The following KIAA2012 variants were observed in gnomAD, a reference collection of about 807,000 sequenced individuals.
KIAA2012 encodes KIAA2012.
In KIAA2012, 125 loss-of-function variants were observed where a neutral mutation model predicts 150.6. That is an observed-to-expected ratio of 0.83 (90% CI 0.72 to 0.96). The LOEUF (loss-of-function observed/expected upper bound fraction) is 0.96, where lower values mean the gene tolerates loss of function less well. Among genes scored for constraint, KIAA2012 ranks in the 40% least tolerant of loss-of-function variants. The probability of loss-of-function intolerance (pLI) is 0.00; values close to 1 mark genes in which losing one functional copy is unlikely to be tolerated. For missense variants in KIAA2012, 1,219 were observed against 1,354.9 expected, an observed-to-expected ratio of 0.90 and a Z score of 1.57; for synonymous variants, 462 against 504.7, an observed-to-expected ratio of 0.92 and a Z score of 1.13.
chr2:202,087,510 CAAAAAAAA>C (rs59728832), intron 2 of KIAA2012, among the ~76,000 whole-genome samples: 2 of 52,524 alleles, frequency 3.8e-5, no homozygotes, highest in African/African-American at 8.4e-5. Flanking sequence ...GAAACCATCT[CAAAAAAAA>C]AAAAAAAAAA....
intron 12 of KIAA2012, chr2:202,125,785 C>T (rs1690768617): frequency 2.3e-6 from 1 of 429,466 alleles, no homozygotes; most frequent in South Asian, 1.7e-5. Flanking sequence ...TCTGCAAAAA[C>T]TGGGAGTATA....
chr2:202,194,505 TTATG>T (rs1692378369), intron 21 of KIAA2012, 143 bp downstream of exon 21: 3 of 877,156 alleles, frequency 3.4e-6, no homozygotes, highest in South Asian at 2.0e-5. Context: ...TTCAAAGTGA[TTATG>T]TATGACTATA....
intron 22 of KIAA2012, among the ~76,000 whole-genome samples, chr2:202,201,006 G>A (rs867784483): frequency 1.4e-4 from 22 of 151,984 alleles, no homozygotes; most frequent in African/African-American, 5.3e-4. Context: ...GCGCCTGGCC[G>A]TAATTTGGCA....
intron 14 of KIAA2012, among the ~76,000 whole-genome samples, chr2:202,158,990 C>T (rs1372951404): frequency 1.3e-5 from 2 of 152,124 alleles, no homozygotes; most frequent in African/African-American, 4.8e-5. Context: ...ATATAGTGCC[C>T]TCAAATGCAA....
At chr2:202,098,834 G>A (rs924834562) in intron 5 of KIAA2012, among the ~76,000 whole-genome samples, 28 of 151,202 alleles carry the variant, frequency 1.9e-4, no homozygotes, top group Non-Finnish European at 2.8e-4. Flanking sequence ...GCGCGCGCGC[G>A]CGCAGGATAA....
chr2:202,204,812 C>G (rs544580366), intron 23 of KIAA2012, among the ~76,000 whole-genome samples, 186 bp from the exon 24 acceptor site: 2 of 152,088 alleles, frequency 1.3e-5, no homozygotes, highest in African/African-American at 4.8e-5. Context: ...GTCATATAAA[C>G]GTTTTCTCAA....
intron 13 of KIAA2012, among the ~76,000 whole-genome samples, chr2:202,140,755 T>C (rs946637137): frequency 6.6e-6 from 1 of 152,206 alleles, no homozygotes; most frequent in African/African-American, 2.4e-5. Context: ...GTTCCCTACC[T>C]TGATGGGCCA....
chr2:202,114,062 A>T (rs1690451983), intron 11 of KIAA2012: 1 of 152,400 alleles, frequency 6.6e-6, no homozygotes, highest in African/African-American at 2.4e-5. Flanking sequence ...AGGCTCCTTG[A>T]TGTGGGAGAT....
chr2:202,179,310 A>G (rs1692067884), intron 15 of KIAA2012: 3 of 1,202,584 alleles, frequency 2.5e-6, no homozygotes, highest in African/African-American at 1.5e-5. Context: ...GGAGCGCGGT[A>G]CGGCTTTTCG....
Position 202,097,587 on chromosome 2 carries a change from C to CTTT in KIAA2012, c.828+24_828+26dup. On this transcript the variant is annotated intron_variant, in intron 5 of 23. Coordinates refer to ENST00000498697, the MANE Select transcript of KIAA2012 (RefSeq NM_001277372.4). ...TGAAACGCAGGCAGAGGTACCATTT[C>CTTT]TTTTTTTTTTTTTTTTCCCCGAGAC... is the stretch of plus-strand genomic sequence containing the variant. The CTTT allele has an allele frequency of 8.5e-6, 12 of 1,419,132 alleles. No homozygotes were observed. Among genetic ancestry groups the CTTT allele is most frequent in the African/African-American group, 3.1e-5 (2 of 64,388 alleles). The allele number at this position is 1,419,132 out of a possible 1,614,324, so 87.9% of individuals were successfully genotyped here. A position where few individuals can be genotyped will look rare whatever the true frequency, so the allele number is the denominator to read the frequency against.
chr2:202,203,409 A>C (rs572020347), intron 23 of KIAA2012, among the ~76,000 whole-genome samples: 1 of 152,340 alleles, frequency 6.6e-6, no homozygotes, highest in South Asian at 2.1e-4. Flanking sequence ...ACCACTTGAA[A>C]AATGTTCATT....
Position 202,125,935 on chromosome 2 carries a change from C to CTTTTTTTTTTTTTTTTTTTTTTTTTTTTT in KIAA2012, c.1831+661_1831+689dup, listed in dbSNP as rs571686717. On this transcript the variant is annotated intron_variant, in intron 12 of 23. Coordinates refer to ENST00000498697, the MANE Select transcript of KIAA2012 (RefSeq NM_001277372.4). ...GAAATGTGAGTGGTGTTCCTGGCTGCTTTTTTTTTTTTTTTTTTTTTTTTT... is the reference window on the plus strand; with the variant it reads ...GAAATGTGAGTGGTGTTCCTGGCTGCTTTTTTTTTTTTTTTTTTTTTTTTTTTTTTTTTTTTTTTTTTTTTTTTTTTTTT... 6 of 126,960 alleles carry CTTTTTTTTTTTTTTTTTTTTTTTTTTTTT rather than the reference C, an allele frequency of 4.7e-5. 2 individuals carry two copies. Among genetic ancestry groups the CTTTTTTTTTTTTTTTTTTTTTTTTTTTTT allele is most frequent in the African/African-American group, 7.2e-5 (1 of 13,870 alleles). The allele number at this position is 126,960 out of a possible 1,614,324, so 7.9% of individuals were successfully genotyped here.
At chr2:202,125,850 C>A (rs1310340867) in intron 12 of KIAA2012, 2 of 451,510 alleles carry the variant, frequency 4.4e-6, no homozygotes, top group Non-Finnish European at 8.9e-6. Context: ...CTGCTTCAGA[C>A]CAAGGGAAGG....
rs565749120 is a variant in KIAA2012 at position 202,192,398 on chromosome 2, G to T, written c.2812-903G>T. Among the ~76,000 whole-genome samples, 24 of 151,536 alleles carry T rather than the reference G, an allele frequency of 1.6e-4. 1 individual carries two copies. The highest frequency in any genetic ancestry group is 4.2e-4 in the South Asian group (2 of 4,778). ...CCATTGGAAAGGTGAGTTTCTGTGGGATTAAATGTGAATCTGACCCATCTA... is the reference window on the plus strand; with the variant it reads ...CCATTGGAAAGGTGAGTTTCTGTGGTATTAAATGTGAATCTGACCCATCTA... On this transcript the variant is annotated intron_variant, in intron 19 of 23. Transcript: ENST00000498697.
chr2:202,125,935 CTTTTTTTTTTTTTTTTTTT>C lies in KIAA2012; in HGVS notation c.1831+671_1831+689del, dbSNP rs571686717. ...GAAATGTGAGTGGTGTTCCTGGCTGCTTTTTTTTTTTTTTTTTTTTTTTTTTTTTTTTTTTTGAGATGGA... is the reference window on the plus strand; with the variant it reads ...GAAATGTGAGTGGTGTTCCTGGCTGCTTTTTTTTTTTTTTTTTGAGATGGA... On this transcript the variant is annotated intron_variant, in intron 12 of 23. Coordinates refer to ENST00000498697, the MANE Select transcript of KIAA2012 (RefSeq NM_001277372.4). 1.0e-4 allele frequency: 14 copies of C among 135,822 alleles called. No individual in the cohort carries two copies. In the East Asian group the frequency reaches 1.6e-3, roughly 15 times the overall value. 8.4% of individuals were successfully genotyped at this position (135,822 alleles called of 1,614,324 possible). A position where few individuals can be genotyped will look rare whatever the true frequency, so the allele number is the denominator to read the frequency against.
chr2:202,114,754 T>C (rs1168556308), intron 11 of KIAA2012, among the ~76,000 whole-genome samples: 3 of 152,236 alleles, frequency 2.0e-5, no homozygotes, highest in Admixed American at 2.0e-4. Flanking sequence ...ATTTCAATAA[T>C]TTCCATGACA....
intron 22 of KIAA2012, among the ~76,000 whole-genome samples, chr2:202,200,167 G>A (rs1251027323): frequency 2.6e-5 from 4 of 151,962 alleles, no homozygotes; most frequent in Non-Finnish European, 5.9e-5. Context: ...TCTTGACCTC[G>A]TGGTCCACCC....
At chr2:202,190,126 C>T (rs1692298653) in intron 18 of KIAA2012, 48 bp from the exon 19 acceptor site, 2 of 1,413,410 alleles carry the variant, frequency 1.4e-6, no homozygotes, top group Non-Finnish European at 1.9e-6. Flanking sequence ...ATAGTGATCA[C>T]ATTAAGTTAA....
intron 2 of KIAA2012, among the ~76,000 whole-genome samples, chr2:202,087,964 G>A (rs1689613257): frequency 6.8e-6 from 1 of 146,856 alleles, no homozygotes; most frequent in Non-Finnish European, 1.5e-5. Flanking sequence ...ACCAGGGATG[G>A]AGAATATTCA....
Sources: allele counts gnomAD v4.1 joint callset (sites outside exome capture counted in the v4.1 genomes callset), GRCh38; gene constraint gnomAD v4.1.1; transcripts MANE v1.5; gene names NCBI Gene and HGNC (gene_info 2026-07-23, HGNC 2026-07-21).